The following SEMA6A variants were observed in gnomAD, a reference collection of about 807,000 sequenced individuals.
SEMA6A encodes the protein semaphorin-6A.
Under a neutral mutation model 96.8 loss-of-function variants are expected in SEMA6A, and 25 were observed. That is an observed-to-expected ratio of 0.26 (90% CI 0.19 to 0.36). The LOEUF is 0.36. Among genes scored for constraint, SEMA6A ranks in the 10% least tolerant of loss-of-function variants. The probability of loss-of-function intolerance (pLI) is 1.00; values close to 1 mark genes in which losing one functional copy is unlikely to be tolerated. For synonymous variants in SEMA6A, 612 were observed against 518.0 expected, an observed-to-expected ratio of 1.18 and a Z score of -2.46; for missense variants, 1,363 against 1,323.1, an observed-to-expected ratio of 1.03 and a Z score of -0.47.
chr5:116,447,041 C>A lies in SEMA6A; in HGVS notation c.2665G>T (p.Gly889Cys), dbSNP rs1754263059. The A allele has an allele frequency of 6.2e-7, 1 of 1,613,888 alleles. No homozygotes were observed. Among genetic ancestry groups the A allele is most frequent in the Non-Finnish European group, 8.5e-7 (1 of 1,179,856 alleles). Residue 889 changes from glycine (G) to cysteine (C), a missense_variant, in exon 19 of 19, where the codon GGT becomes TGT. Coordinates refer to ENST00000343348, the MANE Select transcript of SEMA6A (RefSeq NM_020796.5). The stretch of plus-strand genomic sequence containing the variant: ...TGAGACAGGGAGGCTCCCGGGGGAC[C>A]CAGGGAGGCCTCCCGCTGTGGAACT... ...PKVPQREASL[G>C]PPGASLSQTG...
chr5:116,502,275 T>C lies in SEMA6A; in HGVS notation c.153A>G (p.Thr51=). 1 of 1,613,936 alleles carries C rather than the reference T, an allele frequency of 6.2e-7. No homozygotes were observed. The highest frequency in any genetic ancestry group is 8.5e-7 in the Non-Finnish European group (1 of 1,179,858). ...FVGHKPGRNT[T]QRHRLDIQMI... The stretch of plus-strand genomic sequence containing the variant: ...TCTGGATGTCCAGCCTGTGCCTCTG[T>C]GTGGTGTTCCGTCCTGGCTTGTGGC... Residue 51 remains threonine, a synonymous_variant, in exon 3 of 19, where the codon ACA becomes ACG. Transcript: ENST00000343348.
At position 116,467,626 on chromosome 5, in the gene SEMA6A, G is replaced by C; in HGVS notation, c.1851C>G (p.Asp617Glu). The C allele has an allele frequency of 6.2e-7, 1 of 1,613,472 alleles. No individual in the cohort carries two copies. Among genetic ancestry groups the C allele is most frequent in the Non-Finnish European group, 8.5e-7 (1 of 1,179,792 alleles). The change falls in exon 18 of 19, where the codon GAC becomes GAG. Residue 617 changes from aspartate to glutamate, a missense_variant. This residue lies in a region of SEMA6A where 883 missense variants were observed against 763.6 expected (regional missense o/e 1.16). Transcript: ENST00000343348. ...KHLLDSPDST[D>E]PLGAVSSHNH... ...TATGGGAAGACACTGCCCCCAAAGG[G>C]TCTGTGCTGTCAGGTGAGTCAAGCA...
At chr5:116,457,233 A>T (rs148380906) in intron 18 of SEMA6A, among the ~76,000 whole-genome samples, 2 of 152,308 alleles carry the variant, frequency 1.3e-5, no homozygotes, top group Non-Finnish European at 2.9e-5. Context: ...ATGTCAGATG[A>T]TTGTGTCCAG....
rs369348177 is a variant in SEMA6A, at chr5:116,520,459, A to G, written c.-38-15477T>C. On this transcript the variant is annotated intron_variant, in intron 1 of 18. Transcript: ENST00000343348. Reference sequence around the variant, plus strand: ...TAAACTCTTAACAAATATTCATTAAATAGTGAATGAAGCTCTAAAAAAAGA... The same window carrying G: ...TAAACTCTTAACAAATATTCATTAAGTAGTGAATGAAGCTCTAAAAAAAGA... Among the ~76,000 whole-genome samples the G allele has an allele frequency of 4.5e-4, 68 of 152,288 alleles. No individual in the cohort carries two copies. In the East Asian group the frequency reaches 0.011, roughly 25 times the overall value.
chr5:116,475,757 T>G (rs1202799385), intron 15 of SEMA6A, among the ~76,000 whole-genome samples, 154 bp from the exon 16 acceptor site: 1 of 152,212 alleles, frequency 6.6e-6, no homozygotes, highest in Non-Finnish European at 1.5e-5. Context: ...AATTTATCTC[T>G]GAAGTTTATA....
chr5:116,455,262 G>A (rs1368955479), intron 18 of SEMA6A, among the ~76,000 whole-genome samples: 1 of 152,204 alleles, frequency 6.6e-6, no homozygotes, highest in Non-Finnish European at 1.5e-5. Flanking sequence ...ACGGGCTGAT[G>A]TCTAGACTAA....
chr5:116,556,781 T>C (rs1024802360), intron 1 of SEMA6A, among the ~76,000 whole-genome samples: 5 of 152,242 alleles, frequency 3.3e-5, no homozygotes, highest in African/African-American at 7.2e-5. Context: ...TTCAGAACTT[T>C]GGAAAACCAC....
At chr5:116,467,905 TGGTG>T in intron 17 of SEMA6A, 158 bp from the exon 18 acceptor site, 2 of 591,358 alleles carry the variant, frequency 3.4e-6, no homozygotes, top group East Asian at 2.9e-5. Context: ...GTGGTGGTGG[TGGTG>T]GTGGTGTGGG....
intron 3 of SEMA6A, among the ~76,000 whole-genome samples, chr5:116,501,536 T>C (rs558784239): frequency 1.3e-5 from 2 of 152,352 alleles, no homozygotes; most frequent in South Asian, 4.1e-4. Flanking sequence ...ATAGGTTTAA[T>C]GCACACACCT....
chr5:116,482,220 G>C (rs1197872802), intron 11 of SEMA6A, among the ~76,000 whole-genome samples: 1 of 152,108 alleles, frequency 6.6e-6, no homozygotes, highest in African/African-American at 2.4e-5. Context: ...CCATTGTAGT[G>C]TTACGTTGGA....
At chr5:116,519,629 AGACT>A (rs1472713972) in intron 1 of SEMA6A, among the ~76,000 whole-genome samples, 1 of 151,858 alleles carries the variant, frequency 6.6e-6, no homozygotes, top group East Asian at 1.9e-4. Context: ...AGACCACTGC[AGACT>A]ATACATAAGT....
intron 1 of SEMA6A, chr5:116,508,111 G>C (rs1439535642): frequency 6.6e-6 from 1 of 152,100 alleles, no homozygotes; most frequent in Non-Finnish European, 1.5e-5. Flanking sequence ...TGGTTGCCAT[G>C]AGCCAAATGA....
In SEMA6A at chr5:116,478,473, T is replaced by C; in HGVS notation, c.1427+69A>G. ...ATAAAACCTCAGTCGGTCATGATTTTCTCTGAATGAAAGGGGCCATAATAG... is the reference window on the plus strand; with the variant it reads ...ATAAAACCTCAGTCGGTCATGATTTCCTCTGAATGAAAGGGGCCATAATAG... On this transcript the variant is annotated intron_variant, in intron 13 of 18. Coordinates refer to ENST00000343348, the MANE Select transcript of SEMA6A (RefSeq NM_020796.5). 6.3e-6 allele frequency: 9 copies of C among 1,427,520 alleles called. No homozygotes were observed. In the South Asian group the frequency reaches 1.2e-4, roughly 19 times the overall value. 88.4% of individuals were successfully genotyped at this position (1,427,520 alleles called of 1,614,324 possible).
chr5:116,511,190 C>A (rs1052586688), intron 1 of SEMA6A, among the ~76,000 whole-genome samples: 1 of 152,174 alleles, frequency 6.6e-6, no homozygotes, highest in Non-Finnish European at 1.5e-5. Flanking sequence ...TACACATCCT[C>A]CTGTATACTT....
At chr5:116,497,613 T>G (rs1467185841) in intron 3 of SEMA6A, among the ~76,000 whole-genome samples, 2 of 152,206 alleles carry the variant, frequency 1.3e-5, no homozygotes, top group Admixed American at 6.5e-5. Flanking sequence ...TTATGAAAAC[T>G]TTCCTGTATT....
At chr5:116,528,496 T>C (rs1193007702) in intron 1 of SEMA6A, among the ~76,000 whole-genome samples, 2 of 152,194 alleles carry the variant, frequency 1.3e-5, no homozygotes, top group East Asian at 1.9e-4. Context: ...TTTGTATGTA[T>C]TGAAACTGAC....
intron 18 of SEMA6A, among the ~76,000 whole-genome samples, chr5:116,460,834 G>A (rs1216779207): frequency 2.1e-5 from 3 of 146,004 alleles, no homozygotes; most frequent in South Asian, 2.2e-4. Context: ...CACCCAGGCT[G>A]GAATGCAGTG....
chr5:116,479,021 C>G (rs1372132280), intron 12 of SEMA6A, among the ~76,000 whole-genome samples: 1 of 151,898 alleles, frequency 6.6e-6, no homozygotes. Flanking sequence ...CAATAATCCC[C>G]TTCATGAACA....
At chr5:116,454,879 G>C (rs1754909242) in intron 18 of SEMA6A, among the ~76,000 whole-genome samples, 1 of 152,052 alleles carries the variant, frequency 6.6e-6, no homozygotes, top group South Asian at 2.1e-4. Context: ...GGTACCAGGA[G>C]GGGCCATGGT....
Sources: gnomAD v4.1 joint callset for allele counts (sites outside exome capture counted in the v4.1 genomes callset) on GRCh38, gnomAD v4.1.1 for gene constraint, gnomAD v4.1.1 regional missense constraint, MANE v1.5 for transcripts, NCBI Gene and HGNC (gene_info 2026-07-23, HGNC 2026-07-21) for gene names.